Variants in AFF1 observed in about 807,000 individuals in gnomAD.
AFF1 encodes AF4/FMR2 family member 1.
A neutral mutation model predicts 121.7 loss-of-function variants in AFF1; 48 were observed. The observed-to-expected ratio is 0.39, with a 90% CI of 0.31 to 0.50. The LOEUF (loss-of-function observed/expected upper bound fraction) is 0.50. AFF1 is among the 20% of genes least tolerant of loss of function. The pLI is 0.76. For missense variants in AFF1, 1,523 were observed against 1,511.7 expected (o/e 1.01, Z -0.12); for synonymous variants, 613 against 563.0 (o/e 1.09, Z -1.26).
intron 2 of AFF1, among the ~76,000 whole-genome samples, chr4:87,022,755 TATA>T (rs528607481): frequency 1.7e-3 from 253 of 150,156 alleles, no homozygotes; most frequent in African/African-American, 5.7e-3. Context: ...TGTATATATA[TATA>T]ATATCATGTG....
intron 1 of AFF1, 31 bp from the exon 2 acceptor site, chr4:86,948,467 G>A (rs373251869): frequency 2.1e-6 from 3 of 1,456,098 alleles, no homozygotes; most frequent in East Asian, 4.9e-5. Flanking sequence ...ACAGGCTAAT[G>A]TTCACAGGCT....
rs755142580 is a variant in AFF1, at chr4:87,046,279, C to T, written c.152C>T (p.Pro51Leu). Residue 51 changes from proline (P) to leucine (L), a missense_variant, in exon 3 of 21, where the codon CCC becomes CTC. By Grantham distance (98) the Pro-to-Leu change is moderately conservative. This residue lies in a region of AFF1 where 369 missense variants were observed against 367.2 expected (regional missense o/e 1.00). Transcript: ENST00000395146. ...FPEKIPLFGE[P>L]YKTAKGDELS... is the part of the protein sequence containing the mutation. ...GAAAAGATTCCCCTTTTTGGAGAGCCCTACAAGGTATTTACTGAACACTAG... is the reference window on the plus strand; with the variant it reads ...GAAAAGATTCCCCTTTTTGGAGAGCTCTACAAGGTATTTACTGAACACTAG... 2 of 1,611,794 alleles carry T rather than the reference C, an allele frequency of 1.2e-6. No homozygotes were observed. Among genetic ancestry groups the T allele is most frequent in the East Asian group, 2.2e-5 (1 of 44,834 alleles).
chr4:86,991,834 C>CT (rs34804329), intron 2 of AFF1, among the ~76,000 whole-genome samples: 23,272 of 113,614 alleles, frequency 0.2, 2,557 homozygotes, highest in Middle Eastern at 0.25. Flanking sequence ...CTTCAAATTG[C>CT]TTTTTTTTTT....
chr4:87,112,451 A>G (rs1726633911), intron 11 of AFF1, among the ~76,000 whole-genome samples: 1 of 152,232 alleles, frequency 6.6e-6, no homozygotes, highest in South Asian at 2.1e-4. Flanking sequence ...GAAAAAAGGA[A>G]TTATGTAGTC....
At chr4:87,124,504 G>A (rs71607406) in intron 12 of AFF1, among the ~76,000 whole-genome samples, 2 of 152,170 alleles carry the variant, frequency 1.3e-5, no homozygotes, top group African/African-American at 2.4e-5. Flanking sequence ...ACGGGATTTT[G>A]TAGACGGTTT....
intron 2 of AFF1, chr4:86,950,209 G>A (rs891944386): frequency 1.1e-5 from 13 of 1,213,120 alleles, no homozygotes; most frequent in East Asian, 2.4e-5. Context: ...ACAAAGTTTC[G>A]CTATTGTTGC....
chr4:87,048,477 G>A (rs777494161), intron 4 of AFF1, among the ~76,000 whole-genome samples: 16 of 152,176 alleles, frequency 1.1e-4, no homozygotes, highest in Non-Finnish European at 1.8e-4. Flanking sequence ...AATGTTTGAA[G>A]GGAATTTTAA....
At chr4:86,940,392 T>C (rs1480603621) in intron 1 of AFF1, among the ~76,000 whole-genome samples, 1 of 152,164 alleles carries the variant, frequency 6.6e-6, no homozygotes, top group African/African-American at 2.4e-5. Flanking sequence ...TGGGTTGTAT[T>C]AACAGGAAGG....
chr4:86,996,973 A>G (rs1379386787), intron 2 of AFF1, among the ~76,000 whole-genome samples: 5 of 152,068 alleles, frequency 3.3e-5, no homozygotes, highest in Admixed American at 1.3e-4. Context: ...GTGCAGTGGC[A>G]CGATCTCAGC....
At chr4:87,002,016 T>A (rs1173648060) in intron 2 of AFF1, among the ~76,000 whole-genome samples, 1 of 152,190 alleles carries the variant, frequency 6.6e-6, no homozygotes, top group Non-Finnish European at 1.5e-5. Context: ...AATTGTTGAA[T>A]GACCATTGTG....
Position 87,140,160 on chromosome 4 carries a change from A to G in AFF1, c.*4459A>G, listed in dbSNP as rs1729607705. Reference sequence around the variant, plus strand: ...AGACCACTCATAGTGAGGCTGGCCAAGCTGCACTGGTCGGACCAGGCAGTG... The same window carrying G: ...AGACCACTCATAGTGAGGCTGGCCAGGCTGCACTGGTCGGACCAGGCAGTG... On this transcript the variant is annotated 3_prime_UTR_variant, in exon 21 of 21. Coordinates refer to ENST00000395146, the MANE Select transcript of AFF1 (RefSeq NM_001166693.3). The G allele has an allele frequency of 1.5e-5, 3 of 203,174 alleles. No homozygotes were observed. Among genetic ancestry groups the G allele is most frequent in the Middle Eastern group, 1.6e-3 (1 of 608 alleles). The allele number at this position is 203,174 out of a possible 1,614,324, so 12.6% of individuals were successfully genotyped here.
intron 2 of AFF1, among the ~76,000 whole-genome samples, chr4:86,995,959 CCGCCCCG>C (rs1725140142): frequency 8.7e-6 from 1 of 114,998 alleles, no homozygotes. Context: ...CTCTGCCCGG[CCGCCCCG>C]TCTGAGAAGT....
At chr4:87,022,662 G>GTGCGTGTATATATATAGC (rs1553918498) in intron 2 of AFF1, among the ~76,000 whole-genome samples, 1 of 74,106 alleles carries the variant, frequency 1.3e-5, no homozygotes, top group African/African-American at 4.3e-5. Flanking sequence ...GTATATATAT[G>GTGCGTGTATATATATAGC]TGTGTGTATA....
intron 4 of AFF1, among the ~76,000 whole-genome samples, chr4:87,050,733 G>GTTTT: frequency 6.6e-6 from 1 of 152,362 alleles, no homozygotes; most frequent in African/African-American, 2.4e-5. Context: ...TCAACTGGAA[G>GTTTT]ATGTCTAGCA....
chr4:86,972,294 A>G (rs1375938607), intron 2 of AFF1, among the ~76,000 whole-genome samples: 2 of 152,082 alleles, frequency 1.3e-5, no homozygotes, highest in African/African-American at 2.4e-5. Context: ...AGTATTTTTA[A>G]GAGAAAAGAA....
chr4:87,130,306 A>C (rs1728706517), intron 16 of AFF1, among the ~76,000 whole-genome samples: 1 of 152,208 alleles, frequency 6.6e-6, no homozygotes, highest in Non-Finnish European at 1.5e-5. Context: ...AACATATCAA[A>C]TACAAAGCAG....
intron 14 of AFF1, 50 bp downstream of exon 14, chr4:87,126,386 T>A: frequency 1.3e-6 from 2 of 1,541,676 alleles, no homozygotes; most frequent in Non-Finnish European, 1.8e-6. Flanking sequence ...TTGCTGTACC[T>A]TTACGTTCCC....
chr4:87,132,465 T>A (rs915889762), intron 19 of AFF1, 57 bp downstream of exon 19: 24 of 1,535,982 alleles, frequency 1.6e-5, no homozygotes, highest in East Asian at 2.4e-5. Context: ...TTTATTTACT[T>A]CTTGCTTTTG....
rs529252425 is a variant in AFF1, at chr4:87,023,564, A to G, written c.39-22602A>G. On this transcript the variant is annotated intron_variant, in intron 2 of 20. Coordinates refer to ENST00000395146, the MANE Select transcript of AFF1 (RefSeq NM_001166693.3). The stretch of plus-strand genomic sequence containing the variant: ...CTGGCTAGAGTGGGTAGTTATTTCA[A>G]TAGGTGTTGGAAATTAAAAAAAGTG... Among the ~76,000 whole-genome samples the G allele has an allele frequency of 3.7e-3, 566 of 152,318 alleles. 7 individuals carry two copies. Among genetic ancestry groups the G allele is most frequent in the African/African-American group, 0.013 (526 of 41,570 alleles).
Sources: gnomAD v4.1 joint callset for allele counts (sites outside exome capture counted in the v4.1 genomes callset) on GRCh38, gnomAD v4.1.1 for gene constraint, gnomAD v4.1.1 regional missense constraint, MANE v1.5 for transcripts, NCBI Gene and HGNC (gene_info 2026-07-23, HGNC 2026-07-21) for gene names.